Variants in UBE2D2 observed in about 807,000 individuals in gnomAD.
UBE2D2 encodes ubiquitin-conjugating enzyme E2 D2.
A neutral mutation model predicts 24.2 loss-of-function variants in UBE2D2; 2 were observed. That is an observed-to-expected ratio of 0.08 (90% CI 0.03 to 0.26). The LOEUF is 0.26. Ranked by LOEUF, UBE2D2 falls within the 10% of genes least tolerant of loss-of-function variation. The pLI, the probability that UBE2D2 is intolerant of heterozygous loss-of-function variation, is 1.00. For missense variants in UBE2D2, 44 were observed against 177.6 expected (o/e 0.25, Z 4.28); for synonymous variants, 58 against 56.5 (o/e 1.03, Z -0.12).
intron 5 of UBE2D2, among the ~76,000 whole-genome samples, chr5:139,617,088 C>T (rs926074043): frequency 4.6e-5 from 7 of 151,520 alleles, no homozygotes; most frequent in Admixed American, 6.6e-5. Context: ...GAGGCTGAGG[C>T]GGGAGAATCA....
At chr5:139,555,641 A>G (rs1231852865) in intron 1 of UBE2D2, among the ~76,000 whole-genome samples, 2 of 152,056 alleles carry the variant, frequency 1.3e-5, no homozygotes, top group Non-Finnish European at 1.5e-5. Context: ...GAATCTAGAA[A>G]AACGGCCAGA....
intron 1 of UBE2D2, among the ~76,000 whole-genome samples, chr5:139,568,267 C>T (rs1294978642): frequency 6.6e-6 from 1 of 151,774 alleles, no homozygotes; most frequent in East Asian, 1.9e-4. Context: ...TTGCTTGAAC[C>T]TGGGAGGCAG....
At chr5:139,562,407 G>T in intron 1 of UBE2D2, 1 of 1,308,504 alleles carries the variant, frequency 7.6e-7, no homozygotes, top group African/African-American at 1.5e-5. Context: ...AAAAAAAAAA[G>T]GTGACTTAAT....
chr5:139,553,225 C>T (rs1381972713), intron 1 of UBE2D2, among the ~76,000 whole-genome samples: 2 of 152,186 alleles, frequency 1.3e-5, no homozygotes, highest in East Asian at 1.9e-4. Flanking sequence ...AAAAAGGGAT[C>T]ATACTGATGC....
chr5:139,530,987 T>A (rs954677188), intron 1 of UBE2D2, among the ~76,000 whole-genome samples: 1 of 152,144 alleles, frequency 6.6e-6, no homozygotes, highest in Non-Finnish European at 1.5e-5. Context: ...AAGCATACTA[T>A]GTAAATCACT....
chr5:139,620,724 G>A (rs1031526446), intron 5 of UBE2D2, among the ~76,000 whole-genome samples: 1 of 152,216 alleles, frequency 6.6e-6, no homozygotes, highest in Non-Finnish European at 1.5e-5. Context: ...GATAGATTTG[G>A]TAGGAATATG....
At chr5:139,592,988 C>A (rs966719503) in intron 1 of UBE2D2, among the ~76,000 whole-genome samples, 4 of 142,316 alleles carry the variant, frequency 2.8e-5, no homozygotes, top group Admixed American at 2.1e-4. Context: ...TCAGACATTT[C>A]TTTTTTCCTT....
chr5:139,571,941 AAGC>A (rs1305479195), intron 1 of UBE2D2, among the ~76,000 whole-genome samples: 1 of 151,892 alleles, frequency 6.6e-6, no homozygotes, highest in Non-Finnish European at 1.5e-5. Flanking sequence ...AAAAAAAAAA[AAGC>A]AGTAAAATAA....
chr5:139,561,150 G>C (rs1482189130), upstream of UBE2D2: 1 of 152,678 alleles, frequency 6.5e-6, no homozygotes. Context: ...TAGATCTCGC[G>C]AGATCTCCGC....
At position 139,603,070 on chromosome 5, in the gene UBE2D2, C is replaced by T. The variant is rs530695153; in HGVS notation, c.88+2635C>T. Among the ~76,000 whole-genome samples the T allele has an allele frequency of 8.5e-5, 13 of 152,276 alleles. No individual in the cohort carries two copies. In the East Asian group the frequency reaches 2.3e-3, roughly 27 times the overall value. ...GAGATTCTCCATGTGAACTCACTCT[C>T]AGGTTTTCTGATTCTAGTTTGTCCT... is the stretch of plus-strand genomic sequence containing the variant. On this transcript the variant is annotated intron_variant, in intron 2 of 6. Coordinates refer to ENST00000398733, the MANE Select transcript of UBE2D2 (RefSeq NM_003339.3).
At chr5:139,595,611 C>G (rs1002816017) in intron 1 of UBE2D2, among the ~76,000 whole-genome samples, 6 of 151,970 alleles carry the variant, frequency 3.9e-5, no homozygotes, top group African/African-American at 1.4e-4. Context: ...CTCCTGACCT[C>G]AGGTGAGCCA....
chr5:139,581,215 G>A (rs1413240581), intron 1 of UBE2D2, among the ~76,000 whole-genome samples: 1 of 152,104 alleles, frequency 6.6e-6, no homozygotes, highest in Non-Finnish European at 1.5e-5. Flanking sequence ...TTGGGAGGCC[G>A]AGGCGGGTGG....
intron 5 of UBE2D2, among the ~76,000 whole-genome samples, chr5:139,619,326 G>T (rs1399323511): frequency 2.0e-5 from 3 of 151,748 alleles, no homozygotes; most frequent in African/African-American, 7.3e-5. Flanking sequence ...AACCTGGGAG[G>T]GAGAGGTTGC....
intron 5 of UBE2D2, among the ~76,000 whole-genome samples, chr5:139,615,619 C>G (rs940829373): frequency 6.6e-6 from 1 of 151,998 alleles, no homozygotes; most frequent in Non-Finnish European, 1.5e-5. Context: ...GGAAATAGAC[C>G]AGCCCTTTAG....
chr5:139,608,093 C>T (rs923194491), intron 2 of UBE2D2, among the ~76,000 whole-genome samples: 3 of 151,778 alleles, frequency 2.0e-5, no homozygotes, highest in African/African-American at 7.3e-5. Flanking sequence ...TGAAAGATTG[C>T]AATATTAGTT....
chr5:139,591,981 C>T (rs1753854759), intron 1 of UBE2D2, among the ~76,000 whole-genome samples: 1 of 152,086 alleles, frequency 6.6e-6, no homozygotes, highest in African/African-American at 2.4e-5. Flanking sequence ...GGGCGGATCC[C>T]TTGAGGTCAG....
intron 2 of UBE2D2, among the ~76,000 whole-genome samples, chr5:139,603,823 G>A (rs1754134018): frequency 6.6e-6 from 1 of 151,300 alleles, no homozygotes; most frequent in Non-Finnish European, 1.5e-5. Context: ...GGTGGTGGGA[G>A]CTGTAATCCC....
intron 1 of UBE2D2, among the ~76,000 whole-genome samples, chr5:139,538,101 T>C (rs1405762185): frequency 3.4e-4 from 52 of 152,176 alleles, no homozygotes; most frequent in Middle Eastern, 3.4e-3. Context: ...GGCAGGATCT[T>C]GGCTCACTGC....
chr5:139,570,400 G>A (rs920254021), intron 1 of UBE2D2, among the ~76,000 whole-genome samples: 1 of 152,308 alleles, frequency 6.6e-6, no homozygotes, highest in South Asian at 2.1e-4. Flanking sequence ...AAGTGCAGTT[G>A]TGCAATCTCG....
Sources: gnomAD v4.1 joint callset for allele counts (sites outside exome capture counted in the v4.1 genomes callset) on GRCh38, gnomAD v4.1.1 for gene constraint, MANE v1.5 for transcripts, NCBI Gene and HGNC (gene_info 2026-07-23, HGNC 2026-07-21) for gene names.